Variants in GLMN observed in about 807,000 individuals in gnomAD.
GLMN encodes the protein glomulin.
Under a neutral mutation model 87.8 loss-of-function variants are expected in GLMN, and 75 were observed. That is an observed-to-expected ratio of 0.85 (90% CI 0.71 to 1.04). The LOEUF is 1.04. GLMN is among the 50% of genes least tolerant of loss of function. The probability of loss-of-function intolerance (pLI) is 0.00; values close to 1 mark genes in which losing one functional copy is unlikely to be tolerated. For missense variants in GLMN, 588 were observed against 658.8 expected, an observed-to-expected ratio of 0.89 and a Z score of 1.18; for synonymous variants, 206 against 221.6, an observed-to-expected ratio of 0.93 and a Z score of 0.63.
intron 7 of GLMN, among the ~76,000 whole-genome samples, chr1:92,271,878 T>C (rs1176063653): frequency 6.6e-6 from 1 of 152,144 alleles, no homozygotes; most frequent in Non-Finnish European, 1.5e-5. Flanking sequence ...GTAATTAAGG[T>C]CCCAAATCAG....
intron 2 of GLMN, 177 bp from the exon 3 acceptor site, chr1:92,297,706 TAA>T (rs1650283790): frequency 1.5e-6 from 1 of 651,214 alleles, no homozygotes. Context: ...AATACTTTAA[TAA>T]GTGACCTTGA....
chr1:92,347,910 A>G, the GLMN span, among the ~76,000 whole-genome samples: 2 of 151,928 alleles, frequency 1.3e-5, no homozygotes, highest in Admixed American at 6.6e-5. Flanking sequence ...TGGGCAATCA[A>G]TCTTTTTTTT....
At chr1:92,277,084 A>C (rs1647378335) in intron 7 of GLMN, among the ~76,000 whole-genome samples, 1 of 152,186 alleles carries the variant, frequency 6.6e-6, no homozygotes, top group South Asian at 2.1e-4. Context: ...AAATTTTGCC[A>C]ATTTTACCTA....
At chr1:92,279,456 CAAA>C (rs35221344) in intron 7 of GLMN, among the ~76,000 whole-genome samples, 4 of 70,858 alleles carry the variant, frequency 5.6e-5, no homozygotes, top group South Asian at 5.6e-4. Context: ...GACTCTGTCA[CAAA>C]AAAAAAAAAA....
chr1:92,308,670 A>T, the GLMN span, among the ~76,000 whole-genome samples: 9 of 152,222 alleles, frequency 5.9e-5, no homozygotes, highest in African/African-American at 2.2e-4. Flanking sequence ...ATTTAAAACA[A>T]ATCTTCCAGC....
chr1:92,288,519 C>T (rs1230449040), intron 6 of GLMN, among the ~76,000 whole-genome samples: 1 of 152,138 alleles, frequency 6.6e-6, no homozygotes, highest in African/African-American at 2.4e-5. Context: ...CCTCACACTC[C>T]TGGATTCAAC....
the GLMN span, among the ~76,000 whole-genome samples, chr1:92,314,900 C>G: frequency 6.6e-6 from 1 of 151,352 alleles, no homozygotes. Flanking sequence ...CAAAAATTAA[C>G]CGGGCATGGT....
the GLMN span, among the ~76,000 whole-genome samples, chr1:92,361,104 CACACACACACACATATATATATATAT>C: frequency 2.0e-5 from 1 of 50,904 alleles, no homozygotes; most frequent in Non-Finnish European, 3.8e-5. Context: ...TATATATATA[CACACACACACACATATATATATATAT>C]ACACACACAT....
At chr1:92,301,132 G>A (rs1000265197), upstream of GLMN, among the ~76,000 whole-genome samples, 4 of 152,140 alleles carry the variant, frequency 2.6e-5, no homozygotes, top group Non-Finnish European at 1.5e-5. Context: ...TATGTGCAGT[G>A]CAAAAAGTAG....
At chr1:92,357,872 T>A in the GLMN span, among the ~76,000 whole-genome samples, 2 of 152,202 alleles carry the variant, frequency 1.3e-5, no homozygotes, top group Non-Finnish European at 2.9e-5. Flanking sequence ...CTTAATTCAG[T>A]GGGTAATGAA....
intron 7 of GLMN, among the ~76,000 whole-genome samples, chr1:92,282,553 C>T (rs1255871039): frequency 6.6e-6 from 1 of 151,994 alleles, no homozygotes; most frequent in Non-Finnish European, 1.5e-5. Flanking sequence ...CCTAACATCA[C>T]AATTAAAAGA....
At chr1:92,351,874 C>T in the GLMN span, among the ~76,000 whole-genome samples, 2 of 152,006 alleles carry the variant, frequency 1.3e-5, no homozygotes, top group African/African-American at 4.8e-5. Flanking sequence ...TGTAAATAAG[C>T]CACTACTTTG....
At chr1:92,320,652 T>G in the GLMN span, 2 of 1,583,830 alleles carry the variant, frequency 1.3e-6, no homozygotes, top group South Asian at 2.2e-5. Flanking sequence ...TGAATCAGTA[T>G]CATTTACCAT....
At chr1:92,365,198 A>G in the GLMN span, among the ~76,000 whole-genome samples, 1 of 152,158 alleles carries the variant, frequency 6.6e-6, no homozygotes. Flanking sequence ...AAGACCTCTC[A>G]TTGGGCCCTT....
At chr1:92,264,699 G>A in intron 13 of GLMN, 61 bp from the exon 14 acceptor site, 1 of 933,208 alleles carries the variant, frequency 1.1e-6, no homozygotes, top group East Asian at 2.4e-5. Flanking sequence ...ATTAAATGGT[G>A]ATAAAAGTTT....
chr1:92,305,042 C>T, the GLMN span, among the ~76,000 whole-genome samples: 1 of 151,872 alleles, frequency 6.6e-6, no homozygotes, highest in East Asian at 1.9e-4. Flanking sequence ...AGCTGAGGCA[C>T]ATGCATCGCA....
chr1:92,261,782 G>A (rs1043948428), intron 16 of GLMN, among the ~76,000 whole-genome samples: 2 of 150,938 alleles, frequency 1.3e-5, no homozygotes, highest in South Asian at 2.1e-4. Flanking sequence ...GTATGCTGAC[G>A]TCTGCAGTTT....
the GLMN span, among the ~76,000 whole-genome samples, chr1:92,347,446 C>T: frequency 1.3e-5 from 2 of 152,184 alleles, no homozygotes; most frequent in East Asian, 1.9e-4. Context: ...CTTTTTTGGT[C>T]GACAAGTCAG....
upstream of GLMN, among the ~76,000 whole-genome samples, chr1:92,300,641 TA>T (rs144767171): frequency 0.011 from 1,663 of 152,324 alleles, 31 homozygotes; most frequent in Non-Finnish European, 0.013. Flanking sequence ...GTTCTGGTTC[TA>T]AAAAGGCAAG....
Sources: allele counts gnomAD v4.1 joint callset (sites outside exome capture counted in the v4.1 genomes callset), GRCh38; gene constraint gnomAD v4.1.1; transcripts MANE v1.5; gene names NCBI Gene and HGNC (gene_info 2026-07-23, HGNC 2026-07-21).